The following MFGE8 variants were observed in gnomAD, a reference collection of about 807,000 sequenced individuals.
The protein encoded by MFGE8 is lactadherin.
Under a neutral mutation model 42.6 loss-of-function variants are expected in MFGE8, and 34 were observed. The ratio of observed to expected loss-of-function variants is 0.80; its 90% CI spans 0.61 to 1.06. The LOEUF (loss-of-function observed/expected upper bound fraction) is 1.06. Among genes scored for constraint, MFGE8 ranks in the 50% least tolerant of loss-of-function variants. The pLI is 0.00. For missense variants in MFGE8, 510 were observed against 516.9 expected (o/e 0.99, Z 0.13); for synonymous variants, 230 against 214.8 (o/e 1.07, Z -0.62).
chr15:88,901,570 C>T lies in MFGE8; in HGVS notation c.851G>A (p.Gly284Asp), dbSNP rs769941613. 7.2e-7 allele frequency: 1 copy of T among 1,397,674 alleles called. No individual in the cohort carries two copies. The highest frequency in any genetic ancestry group is 9.6e-7 in the Non-Finnish European group (1 of 1,041,742). 86.6% of individuals were successfully genotyped at this position (1,397,674 alleles called of 1,614,324 possible). A position where few individuals can be genotyped will look rare whatever the true frequency, so the allele number is the denominator to read the frequency against. Residue 284 changes from glycine (G) to aspartate (D), a missense_variant, in exon 6 of 8, where the codon GGT becomes GAT. Gly to Asp is a moderately conservative substitution (Grantham distance 94). Coordinates refer to ENST00000268150, the MANE Select transcript of MFGE8 (RefSeq NM_005928.4). ...ACCCACCTGCAGCCACTGATCGTTA[C>T]CGTAGCTCCCCGCAACCCAGGCGTT... is the stretch of plus-strand genomic sequence containing the variant. ...NFNAWVAGSY[G>D]NDQWLQVDLG... is the part of the protein sequence containing the mutation.
Position 88,906,338 on chromosome 15 carries a change from T to G in MFGE8, c.540+288A>C. 6.2e-6 allele frequency: 3 copies of G among 486,288 alleles called. No individual in the cohort carries two copies. Among genetic ancestry groups the G allele is most frequent in the African/African-American group, 1.9e-5 (1 of 51,300 alleles). 30.1% of individuals were successfully genotyped at this position (486,288 alleles called of 1,614,324 possible). A position where few individuals can be genotyped will look rare whatever the true frequency, so the allele number is the denominator to read the frequency against. On this transcript the variant is annotated intron_variant, in intron 4 of 7. Coordinates refer to ENST00000268150, the MANE Select transcript of MFGE8 (RefSeq NM_005928.4). This position sits in a 1 kb window ranked among gnomAD's most constrained non-coding sequence, Gnocchi z 4.2. ...ACCTACACAACTGTACATGTACCCA[T>G]GAAGGCTCAGAATGAAACCCAGCTC...
At chr15:88,910,026 A>G in intron 1 of MFGE8, 103 bp from the exon 2 acceptor site, 1 of 1,432,730 alleles carries the variant, frequency 7.0e-7, no homozygotes, top group African/African-American at 1.4e-5. Flanking sequence ...CTCCACTCAA[A>G]CTCGCCCATT....
intron 6 of MFGE8, among the ~76,000 whole-genome samples, 166 bp downstream of exon 6, chr15:88,901,385 G>A (rs1017419398): frequency 1.3e-5 from 2 of 152,128 alleles, no homozygotes; most frequent in African/African-American, 4.8e-5. Flanking sequence ...ATCAAGAGAA[G>A]GGAGTACAGG....
chr15:88,906,816 T>C lies in MFGE8; in HGVS notation c.388-38A>G. On this transcript the variant is annotated intron_variant, in intron 3 of 7. Coordinates refer to ENST00000268150, the MANE Select transcript of MFGE8 (RefSeq NM_005928.4). This position sits in a 1 kb window ranked among gnomAD's most constrained non-coding sequence, Gnocchi z 4.2. ...CAGGGGAGATGGCACCCTTATCTCC[T>C]GGGTTCTTTCCACTCAAGATCCAAG... is the stretch of plus-strand genomic sequence containing the variant. 6.2e-6 allele frequency: 10 copies of C among 1,611,372 alleles called. No individual in the cohort carries two copies. The highest frequency in any genetic ancestry group is 8.5e-6 in the Non-Finnish European group (10 of 1,179,386).
At chr15:88,900,644 A>G in intron 6 of MFGE8, 1 of 919,500 alleles carries the variant, frequency 1.1e-6, no homozygotes, top group East Asian at 1.2e-4. Flanking sequence ...ATCCAGGTGT[A>G]AACCCAACTC....
chr15:88,910,153 T>C, intron 1 of MFGE8: 1 of 496,804 alleles, frequency 2.0e-6, no homozygotes, highest in Admixed American at 2.8e-5. Flanking sequence ...GCTTTCCAAG[T>C]GGCCTGGGAG....
chr15:88,913,037 C>T (rs1175873486), intron 1 of MFGE8: 8 of 985,308 alleles, frequency 8.1e-6, no homozygotes, highest in Non-Finnish European at 9.6e-6. Flanking sequence ...TGTCCCGAGT[C>T]CCAGCCCAAA....
intron 1 of MFGE8, 50 bp from the exon 2 acceptor site, chr15:88,909,973 G>A (rs1898883897): frequency 1.9e-6 from 3 of 1,611,706 alleles, no homozygotes; most frequent in Non-Finnish European, 1.7e-6. Context: ...AGGAGCTGGG[G>A]ACACAGGTGA....
At position 88,913,367 on chromosome 15, in the gene MFGE8, C is replaced by G; in HGVS notation, c.-48G>C. ...AATGGGCACGCTGGGCTGCTCAGAC[C>G]CCGCGGGGTTCTGGCGCCTTCTCCT... On this transcript the variant is annotated 5_prime_UTR_variant, in exon 1 of 8. Transcript: ENST00000268150. 7.5e-7 allele frequency: 1 copy of G among 1,332,456 alleles called. No homozygotes were observed. Among genetic ancestry groups the G allele is most frequent in the East Asian group, 3.0e-5 (1 of 32,886 alleles). The allele number at this position is 1,332,456 out of a possible 1,614,324, so 82.5% of individuals were successfully genotyped here.
chr15:88,905,889 T>C lies in MFGE8; in HGVS notation c.553A>G (p.Asn185Asp), dbSNP rs1488691466. 1.9e-6 allele frequency: 3 copies of C among 1,614,036 alleles called. No individual in the cohort carries two copies. The highest frequency in any genetic ancestry group is 1.7e-5 in the Admixed American group (1 of 60,014). The part of the protein sequence containing the change: ...VNKKHKEFVG[N>D]WNKNAVHVNL... ...ACATGCACCGCGTTTTTGTTCCAGT[T>C]ACCCACAAACTCCTAGCAGGGAAGG... is the stretch of plus-strand genomic sequence containing the variant. Residue 185 changes from asparagine to aspartate, a missense_variant, in exon 5 of 8, where the codon AAC (asparagine) becomes GAC (aspartate). Coordinates refer to ENST00000268150, the MANE Select transcript of MFGE8 (RefSeq NM_005928.4). This position sits in a 1 kb window ranked among gnomAD's most constrained non-coding sequence, Gnocchi z 6.6.
chr15:88,912,219 G>C (rs1051814279), intron 1 of MFGE8: 3 of 1,289,730 alleles, frequency 2.3e-6, no homozygotes, highest in Admixed American at 2.3e-5. Flanking sequence ...CTGCTCTTTC[G>C]GGGACTTTCC....
rs2271715 is a variant in MFGE8, at chr15:88,906,396, G to A, written c.540+230C>T. On this transcript the variant is annotated intron_variant, in intron 4 of 7. Coordinates refer to ENST00000268150, the MANE Select transcript of MFGE8 (RefSeq NM_005928.4). This position sits in a 1 kb window ranked among gnomAD's most constrained non-coding sequence, Gnocchi z 4.2. ...ACTATCACCCTCAACAGGTCACTGT[G>A]CCATTTTGAATCTCACTAGTCTCAT... 0.63 allele frequency: 347,640 copies of A among 549,012 alleles called. 111,903 individuals are homozygous for A. Among genetic ancestry groups the A allele is most frequent in the African/African-American group, 0.78 (41,289 of 53,024 alleles). The allele number at this position is 549,012 out of a possible 1,614,324, so 34.0% of individuals were successfully genotyped here. A position where few individuals can be genotyped will look rare whatever the true frequency, so the allele number is the denominator to read the frequency against.
rs775827956 is a variant in MFGE8 at position 88,909,894 on chromosome 15, C to G, written c.103G>C (p.Gly35Arg). 7 of 1,614,182 alleles carry G rather than the reference C, an allele frequency of 4.3e-6. No individual in the cohort carries two copies. Among genetic ancestry groups the G allele is most frequent in the African/African-American group, 4.0e-5 (3 of 75,064 alleles). Residue 35 changes from glycine to arginine, a missense_variant, in exon 2 of 8, where the codon GGT becomes CGT. Transcript: ENST00000268150. ...DICSKNPCHNGGLCEEISQEV... is the reference protein window; with the variant it reads ...DICSKNPCHNRGLCEEISQEV... ...TGGGAAATCTCCTCGCATAAACCAC[C>G]GTTGTGGCAGGGGTTTTTGGAACAG...
At chr15:88,910,067 T>C (rs578043895) in intron 1 of MFGE8, 144 bp from the exon 2 acceptor site, 71 of 1,083,974 alleles carry the variant, frequency 6.5e-5, no homozygotes, top group Non-Finnish European at 9.4e-5. Flanking sequence ...CCCCGTGTGC[T>C]GGATGGAGCC....
Position 88,902,482 on chromosome 15 carries a change from G to C in MFGE8, c.686-747C>G, listed in dbSNP as rs1335793453. ...CAGCAGCTGGCAGTTAGAGAAATCA[G>C]ACAACTCCTGGGGCACAGGAACATC... On this transcript the variant is annotated intron_variant, in intron 5 of 7. Transcript: ENST00000268150. This position sits in a 1 kb window ranked among gnomAD's most constrained non-coding sequence, Gnocchi z 4.3. 4.6e-5 allele frequency: 7 copies of C among 152,336 alleles called. No individual in the cohort carries two copies. In the East Asian group the frequency reaches 1.3e-3, roughly 29 times the overall value. 9.4% of individuals were successfully genotyped at this position (152,336 alleles called of 1,614,324 possible).
intron 1 of MFGE8, chr15:88,910,307 T>A (rs1898897889): frequency 3.0e-6 from 1 of 337,114 alleles, no homozygotes; most frequent in African/African-American, 2.2e-5. Flanking sequence ...AGGAGGCCCA[T>A]GAGGACTTTC....
At chr15:88,908,103 C>T (rs771337174) in intron 2 of MFGE8, among the ~76,000 whole-genome samples, 1 of 152,178 alleles carries the variant, frequency 6.6e-6, no homozygotes, top group Non-Finnish European at 1.5e-5. Flanking sequence ...GCCCCACCCC[C>T]CTCACCATCA....
chr15:88,907,209 T>TCCCTGGGTGG lies in MFGE8; in HGVS notation c.372_373insCCACCCAGGG (p.Asn125ProfsTer32), dbSNP rs781397963. 4 of 1,613,560 alleles carry TCCCTGGGTGG rather than the reference T, an allele frequency of 2.5e-6. No homozygotes were observed. The Admixed American group carries it at 6.7e-5, about 27-fold the overall frequency. ...CCCAGGCATACCTGGATCCAGGGGTTATCGTCATTGCTGCTGGGTGTCCAG... is the reference window on the plus strand; with the variant it reads ...CCCAGGCATACCTGGATCCAGGGGTTCCCTGGGTGGATCGTCATTGCTGCTGGGTGTCCAG... On this transcript the variant is annotated frameshift_variant, in exon 3 of 8. Transcript: ENST00000268150. LOFTEE classifies it high-confidence loss of function.
Position 88,903,293 on chromosome 15 carries a change from G to A in MFGE8, c.686-1558C>T, listed in dbSNP as rs555121109. 22 of 152,210 alleles carry A rather than the reference G, an allele frequency of 1.4e-4. No homozygotes were observed. The highest frequency in any genetic ancestry group is 5.3e-4 in the African/African-American group (22 of 41,472). 9.4% of individuals were successfully genotyped at this position (152,210 alleles called of 1,614,324 possible). On this transcript the variant is annotated intron_variant, in intron 5 of 7. Transcript: ENST00000268150. The surrounding 1 kb of genome is among the most constrained non-coding windows in gnomAD (Gnocchi z 4.9). ...GCAGTTGGAAGGGGCACCAGGGCAG[G>A]GACAGGACTGTCAGCTCCAGCACTC...
Sources: gnomAD v4.1 joint callset for allele counts (sites outside exome capture counted in the v4.1 genomes callset) on GRCh38, gnomAD v4.1.1 for gene constraint, Gnocchi (gnomAD v3.1) non-coding constraint, MANE v1.5 for transcripts, NCBI Gene and HGNC (gene_info 2026-07-23, HGNC 2026-07-21) for gene names.